Variants in XYLT1 observed in about 807,000 individuals in gnomAD.
The protein encoded by XYLT1 is beta-D-xylosyltransferase 1.
XYLT1 carries 36 observed loss-of-function variants against 91.3 expected under a neutral mutation model. The ratio of observed to expected loss-of-function variants is 0.39; its 90% CI spans 0.30 to 0.52. The LOEUF (loss-of-function observed/expected upper bound fraction) is 0.52, where lower values mean the gene tolerates loss of function less well. Among genes scored for constraint, XYLT1 ranks in the 20% least tolerant of loss-of-function variants. XYLT1 has a pLI of 0.68. For synonymous variants in XYLT1, 588 were observed against 532.0 expected (o/e 1.11, Z -1.45); for missense variants, 1,242 against 1,284.5 (o/e 0.97, Z 0.51).
intron 8 of XYLT1, 107 bp from the exon 9 acceptor site, chr16:17,134,842 G>C: frequency 1.5e-6 from 2 of 1,364,014 alleles, no homozygotes; most frequent in South Asian, 1.4e-5. Flanking sequence ...TGCTGGACCC[G>C]AATTAGCTCC....
chr16:17,463,277 T>G (rs1193522782), intron 1 of XYLT1, among the ~76,000 whole-genome samples: 2 of 152,002 alleles, frequency 1.3e-5, no homozygotes, highest in African/African-American at 4.8e-5. Flanking sequence ...ATCAACAAAT[T>G]AAATAATCTA....
intron 5 of XYLT1, among the ~76,000 whole-genome samples, chr16:17,169,440 A>G (rs1196756324): frequency 6.6e-6 from 1 of 152,230 alleles, no homozygotes; most frequent in East Asian, 1.9e-4. Context: ...CTTTCACAGG[A>G]CATTTGTAAG....
At chr16:17,130,810 A>G (rs1199203637) in intron 9 of XYLT1, among the ~76,000 whole-genome samples, 1 of 152,134 alleles carries the variant, frequency 6.6e-6, no homozygotes, top group Non-Finnish European at 1.5e-5. Context: ...AAATGCCACA[A>G]GCACTTTGCT....
At position 17,127,784 on chromosome 16, in the gene XYLT1, T is replaced by A. The variant is rs1411023760; in HGVS notation, c.2105A>T (p.His702Leu). The stretch of plus-strand genomic sequence containing the variant: ...GCTCACAGCCAGATTGGTAGCATGA[T>A]GCTTGATCAGAAAGCCCTGGAAGCG... The part of the protein sequence containing the change: ...ADRFQGFLIK[H>L]HATNLAVSKL... The change falls in exon 10 of 12, where the codon CAT (histidine) becomes CTT (leucine). Residue 702 changes from histidine to leucine, a missense_variant. Physicochemically the swap from His to Leu is moderately conservative, Grantham distance 99. Around this residue, in one of 3 missense-constraint regions of XYLT1, gnomAD observed 511 missense variants for 497.0 expected, o/e 1.03. Transcript: ENST00000261381. The A allele has an allele frequency of 3.1e-6, 5 of 1,614,188 alleles. No individual in the cohort carries two copies. The highest frequency in any genetic ancestry group is 3.3e-4 in the Middle Eastern group (2 of 6,062).
chr16:17,356,381 C>A lies in XYLT1; in HGVS notation c.402+1631G>T, dbSNP rs190741716. On this transcript the variant is annotated intron_variant, in intron 2 of 11. Coordinates refer to ENST00000261381, the MANE Select transcript of XYLT1 (RefSeq NM_022166.4). Reference sequence around the variant, plus strand: ...CAGAGGAAACCGAATCCTTTTCCTCCTCAGAGCTGCACCTTCTATACTTCC... The same window carrying A: ...CAGAGGAAACCGAATCCTTTTCCTCATCAGAGCTGCACCTTCTATACTTCC... Among the ~76,000 whole-genome samples, 453 of 152,244 alleles carry A rather than the reference C, an allele frequency of 3.0e-3. 1 individual carries two copies. Among genetic ancestry groups the A allele is most frequent in the Non-Finnish European group, 5.1e-3 (344 of 68,020 alleles).
intron 2 of XYLT1, among the ~76,000 whole-genome samples, chr16:17,266,815 G>A (rs1398539476): frequency 1.3e-5 from 2 of 152,228 alleles, no homozygotes; most frequent in Non-Finnish European, 2.9e-5. Flanking sequence ...GGGACAAACA[G>A]GGAGAGGCCT....
chr16:17,137,031 C>T (rs537206373), intron 8 of XYLT1, among the ~76,000 whole-genome samples: 9 of 152,224 alleles, frequency 5.9e-5, no homozygotes, highest in African/African-American at 1.7e-4. Flanking sequence ...AACCCTCTTT[C>T]GGCTCAGCAT....
chr16:17,107,170 CGA>C lies in XYLT1; in HGVS notation c.*1523_*1524del, dbSNP rs1390261183. On this transcript the variant is annotated 3_prime_UTR_variant, in exon 12 of 12. Transcript: ENST00000261381. Reference sequence around the variant, plus strand: ...ATTGCCAACAGGACACCCTGCCTTGCGAGGCTTGGGATGGGGCAACACATCTG... The same window carrying C: ...ATTGCCAACAGGACACCCTGCCTTGCGGCTTGGGATGGGGCAACACATCTG... 1 of 152,170 alleles carries C rather than the reference CGA, an allele frequency of 6.6e-6. No individual in the cohort carries two copies. The highest frequency in any genetic ancestry group is 1.5e-5 in the Non-Finnish European group (1 of 68,054). The allele number at this position is 152,170 out of a possible 1,614,324, so 9.4% of individuals were successfully genotyped here. A position where few individuals can be genotyped will look rare whatever the true frequency, so the allele number is the denominator to read the frequency against.
At chr16:17,244,840 A>C (rs1482624691) in intron 3 of XYLT1, among the ~76,000 whole-genome samples, 1 of 152,190 alleles carries the variant, frequency 6.6e-6, no homozygotes, top group Non-Finnish European at 1.5e-5. Context: ...TACTATAAAG[A>C]AATAACTTAG....
At chr16:17,258,871 G>T in intron 3 of XYLT1, 117 bp downstream of exon 3, 1 of 1,259,710 alleles carries the variant, frequency 7.9e-7, no homozygotes, top group Non-Finnish European at 1.0e-6. Flanking sequence ...CTCATCTGGG[G>T]TTTGGAAAAC....
At chr16:17,409,698 C>T (rs574576316) in intron 1 of XYLT1, among the ~76,000 whole-genome samples, 28 of 151,722 alleles carry the variant, frequency 1.8e-4, no homozygotes, top group African/African-American at 6.0e-4. Flanking sequence ...TACAGGTGCC[C>T]GCCACCACGT....
At chr16:17,342,703 CAGAG>C (rs1032194729) in intron 2 of XYLT1, among the ~76,000 whole-genome samples, 2 of 151,622 alleles carry the variant, frequency 1.3e-5, no homozygotes, top group African/African-American at 4.9e-5. Context: ...GCCTGGGCAA[CAGAG>C]AGAGACCCTG....
At chr16:17,294,393 G>A (rs959417124) in intron 2 of XYLT1, among the ~76,000 whole-genome samples, 5 of 152,148 alleles carry the variant, frequency 3.3e-5, no homozygotes, top group East Asian at 3.9e-4. Context: ...GTTACTGCTC[G>A]AAAGTACAAA....
In XYLT1 at chr16:17,127,753, T is replaced by C. The variant is rs2030311625; in HGVS notation, c.2136A>G (p.Leu712=). The C allele has an allele frequency of 3.1e-6, 5 of 1,614,086 alleles. No individual in the cohort carries two copies. The highest frequency in any genetic ancestry group is 2.2e-5 in the East Asian group (1 of 44,896). Residue 712 remains leucine, a synonymous_variant, in exon 10 of 12, where the codon CTA becomes CTG. Transcript: ENST00000261381. ...GCATCACCCAGGTCTCCAGAGTCTC[T>C]AGTTTGCTCACAGCCAGATTGGTAG... ...HHATNLAVSK[L]ETLETWVMPK... is the part of the protein sequence containing the mutation.
intron 1 of XYLT1, among the ~76,000 whole-genome samples, chr16:17,365,986 A>AT (rs2141869796): frequency 6.6e-6 from 1 of 151,772 alleles, no homozygotes; most frequent in South Asian, 2.1e-4. Flanking sequence ...ACCTGAAAAG[A>AT]TTAGAGGCTT....
chr16:17,141,532 T>C (rs2030975616), intron 6 of XYLT1, among the ~76,000 whole-genome samples, 163 bp from the exon 7 acceptor site: 1 of 152,156 alleles, frequency 6.6e-6, no homozygotes, highest in South Asian at 2.1e-4. Context: ...TATCACTTGA[T>C]CCCCACAAGT....
At chr16:17,203,404 CCATT>C (rs1315039566) in intron 3 of XYLT1, among the ~76,000 whole-genome samples, 1 of 152,074 alleles carries the variant, frequency 6.6e-6, no homozygotes, top group Non-Finnish European at 1.5e-5. Context: ...AACCACTCAT[CCATT>C]CATCCATCCA....
At chr16:17,358,427 A>G (rs2035334864) in intron 1 of XYLT1, among the ~76,000 whole-genome samples, 1 of 152,100 alleles carries the variant, frequency 6.6e-6, no homozygotes, top group South Asian at 2.1e-4. Context: ...ATGAGCCACC[A>G]CGCCAAGCTC....
intron 11 of XYLT1, among the ~76,000 whole-genome samples, chr16:17,113,813 A>ACAGG (rs1966846968): frequency 6.6e-6 from 1 of 152,238 alleles, no homozygotes; most frequent in Admixed American, 6.5e-5. Flanking sequence ...GGCCCAAAGG[A>ACAGG]CAGGGTTCAA....
Sources: allele counts gnomAD v4.1 joint callset (sites outside exome capture counted in the v4.1 genomes callset), GRCh38; gene constraint gnomAD v4.1.1; regional missense constraint gnomAD v4.1.1; transcripts MANE v1.5; gene names NCBI Gene and HGNC (gene_info 2026-07-23, HGNC 2026-07-21).